The following ATP8A2 variants were observed in gnomAD, a reference collection of about 807,000 sequenced individuals.
ATP8A2 encodes the protein phospholipid-transporting ATPase IB.
In ATP8A2, 100 loss-of-function variants were observed where a neutral mutation model predicts 165.6. The ratio of observed to expected loss-of-function variants is 0.60; its 90% CI spans 0.51 to 0.71. The LOEUF (loss-of-function observed/expected upper bound fraction) is 0.71, where lower values mean the gene tolerates loss of function less well. Among genes scored for constraint, ATP8A2 ranks in the 30% least tolerant of loss-of-function variants. The pLI is 0.00. For missense variants in ATP8A2, 1,227 were observed against 1,479.5 expected (o/e 0.83, Z 2.80); for synonymous variants, 543 against 548.8 (o/e 0.99, Z 0.15).
intron 4 of ATP8A2, among the ~76,000 whole-genome samples, chr13:25,531,316 GTTATATATGAT>G (rs71218575): frequency 3.9e-4 from 46 of 118,526 alleles, no homozygotes; most frequent in African/African-American, 1.1e-3. Context: ...TGATATATAT[GTTATATATGAT>G]ATATATATGT....
intron 1 of ATP8A2, among the ~76,000 whole-genome samples, chr13:25,435,984 A>C: frequency 9.1e-6 from 1 of 109,320 alleles, no homozygotes; most frequent in South Asian, 2.9e-4. Flanking sequence ...TGTGTGTGTG[A>C]GTGTGTGTAT....
At chr13:25,613,539 ACTC>A (rs1370436873) in intron 24 of ATP8A2, among the ~76,000 whole-genome samples, 1 of 152,130 alleles carries the variant, frequency 6.6e-6, no homozygotes, top group East Asian at 1.9e-4. Context: ...GTGCCACTGC[ACTC>A]CAGCCTGGAG....
At chr13:25,445,482 A>G (rs1187508532) in intron 1 of ATP8A2, among the ~76,000 whole-genome samples, 1 of 152,190 alleles carries the variant, frequency 6.6e-6, no homozygotes, top group Non-Finnish European at 1.5e-5. Context: ...TTCAGGCACT[A>G]CAATATTCCC....
chr13:25,952,846 G>A (rs1293739671), intron 33 of ATP8A2, among the ~76,000 whole-genome samples: 1 of 152,192 alleles, frequency 6.6e-6, no homozygotes, highest in Non-Finnish European at 1.5e-5. Context: ...TGAGCAAATA[G>A]GTTTGGAATG....
intron 34 of ATP8A2, among the ~76,000 whole-genome samples, chr13:25,967,021 T>TCAGGGCAGG (rs1399236901): frequency 6.6e-6 from 1 of 152,064 alleles, no homozygotes; most frequent in Non-Finnish European, 1.5e-5. Flanking sequence ...AGCCCATGGC[T>TCAGGGCAGG]CAGGGCAGGC....
rs559539173 is a variant in ATP8A2, at chr13:25,735,853, A to G, written c.2385-33193A>G. ...TAAGTGTATAGTATTTATAAAGTCT[A>G]CAGTAGGTACAGTAATATCCTAGGT... On this transcript the variant is annotated intron_variant, in intron 25 of 36. Transcript: ENST00000381655. Among the ~76,000 whole-genome samples, 7 of 152,352 alleles carry G rather than the reference A, an allele frequency of 4.6e-5. No homozygotes were observed. The East Asian group carries it at 1.4e-3, about 29-fold the overall frequency.
At chr13:25,547,083 T>C (rs1004954622) in intron 10 of ATP8A2, among the ~76,000 whole-genome samples, 9 of 152,068 alleles carry the variant, frequency 5.9e-5, no homozygotes, top group African/African-American at 2.2e-4. Context: ...CGAGCCAAGA[T>C]TGTGCTGCTG....
intron 25 of ATP8A2, among the ~76,000 whole-genome samples, chr13:25,713,625 G>A (rs1215747895): frequency 6.6e-6 from 1 of 152,106 alleles, no homozygotes; most frequent in Non-Finnish European, 1.5e-5. Flanking sequence ...TTTCTGAGGC[G>A]ATTCTAGTCA....
rs542094674 is a variant in ATP8A2 at position 25,832,034 on chromosome 13, G to C, written c.2754+3842G>C. ...GGCTCACTGCAACCTCTGCCTCCCGGGTTCAAGCAATTCTCCTGCCTCAGC... is the reference window on the plus strand; with the variant it reads ...GGCTCACTGCAACCTCTGCCTCCCGCGTTCAAGCAATTCTCCTGCCTCAGC... On this transcript the variant is annotated intron_variant, in intron 28 of 36. Transcript: ENST00000381655. Among the ~76,000 whole-genome samples, 92 of 151,820 alleles carry C rather than the reference G, an allele frequency of 6.1e-4. No individual in the cohort carries two copies. The Middle Eastern group carries it at 0.01, about 17-fold the overall frequency.
At chr13:25,588,696 G>A (rs1233083445) in intron 23 of ATP8A2, among the ~76,000 whole-genome samples, 2 of 152,234 alleles carry the variant, frequency 1.3e-5, no homozygotes, top group Non-Finnish European at 2.9e-5. Context: ...ATATTCTGTG[G>A]AGAAGGATTT....
At chr13:25,927,221 T>C (rs1021119128) in intron 33 of ATP8A2, 2 of 456,748 alleles carry the variant, frequency 4.4e-6, no homozygotes. Flanking sequence ...CCTCGGCTGC[T>C]CCACACACTG....
At chr13:25,942,251 A>G (rs926253540) in intron 33 of ATP8A2, among the ~76,000 whole-genome samples, 3 of 152,220 alleles carry the variant, frequency 2.0e-5, no homozygotes, top group Non-Finnish European at 4.4e-5. Flanking sequence ...CAGAAATGCC[A>G]TAGTGAACAC....
chr13:25,942,528 T>C (rs1955099132), intron 33 of ATP8A2, among the ~76,000 whole-genome samples: 1 of 152,212 alleles, frequency 6.6e-6, no homozygotes, highest in East Asian at 1.9e-4. Context: ...GCTCAAGCGA[T>C]TCTCCTGCCT....
At chr13:25,683,436 G>T (rs529745933) in intron 24 of ATP8A2, among the ~76,000 whole-genome samples, 59 of 152,288 alleles carry the variant, frequency 3.9e-4, no homozygotes, top group African/African-American at 1.3e-3. Context: ...AGTTTTATGT[G>T]TGTGGACTAA....
At chr13:25,835,180 C>T (rs148185075) in intron 28 of ATP8A2, among the ~76,000 whole-genome samples, 227 of 152,210 alleles carry the variant, frequency 1.5e-3, no homozygotes, top group Admixed American at 4.3e-3. Context: ...GGATGCAGAG[C>T]AATGGAGGTG....
intron 30 of ATP8A2, among the ~76,000 whole-genome samples, chr13:25,849,516 G>A (rs1378361994): frequency 6.6e-6 from 1 of 152,118 alleles, no homozygotes; most frequent in East Asian, 1.9e-4. Context: ...TGATCATTTT[G>A]TCTCTTTAGA....
At chr13:25,540,451 A>G (rs2038436624) in intron 8 of ATP8A2, 63 bp downstream of exon 8, 1 of 1,178,158 alleles carries the variant, frequency 8.5e-7, no homozygotes, top group African/African-American at 1.5e-5. Flanking sequence ...TGGTCCCCAC[A>G]TATCTTTTTC....
At chr13:25,467,218 G>A (rs2035692801) in intron 1 of ATP8A2, among the ~76,000 whole-genome samples, 1 of 152,186 alleles carries the variant, frequency 6.6e-6, no homozygotes, top group Non-Finnish European at 1.5e-5. Flanking sequence ...GTGGGCACAC[G>A]CAAAAAGCAA....
At chr13:25,718,047 A>G (rs2043293311) in intron 25 of ATP8A2, among the ~76,000 whole-genome samples, 1 of 152,190 alleles carries the variant, frequency 6.6e-6, no homozygotes, top group Non-Finnish European at 1.5e-5. Context: ...GGGTCTGGGC[A>G]TGGTGTGTGT....
Sources: gnomAD v4.1 joint callset for allele counts (sites outside exome capture counted in the v4.1 genomes callset) on GRCh38, gnomAD v4.1.1 for gene constraint, MANE v1.5 for transcripts, NCBI Gene and HGNC (gene_info 2026-07-23, HGNC 2026-07-21) for gene names.